The following EIF4H variants were observed in gnomAD, a reference collection of about 807,000 sequenced individuals.
The protein encoded by EIF4H is eukaryotic translation initiation factor 4H.
Under a neutral mutation model 30.6 loss-of-function variants are expected in EIF4H, and 8 were observed. The ratio of observed to expected loss-of-function variants is 0.26; its 90% CI spans 0.15 to 0.47. EIF4H has a LOEUF of 0.47. EIF4H is among the 20% of genes least tolerant of loss of function. The pLI, the probability that EIF4H is intolerant of heterozygous loss-of-function variation, is 0.99. For synonymous variants in EIF4H, 106 were observed against 122.7 expected, an observed-to-expected ratio of 0.86 and a Z score of 0.90; for missense variants, 188 against 339.5, an observed-to-expected ratio of 0.55 and a Z score of 3.51.
At chr7:74,175,530 A>G (rs1243927789) in intron 1 of EIF4H, among the ~76,000 whole-genome samples, 1 of 152,204 alleles carries the variant, frequency 6.6e-6, no homozygotes, top group Non-Finnish European at 1.5e-5. Flanking sequence ...GTTTCGGGGC[A>G]GGAGTGTAGC....
At position 74,194,837 on chromosome 7, in the gene EIF4H, CCCT is replaced by C. The variant is rs1274820067; in HGVS notation, c.569_571del (p.Leu190del). On this transcript the variant is annotated inframe_deletion, in exon 6 of 7. Transcript: ENST00000265753. ...GGCAGCCGCTTCAGAGATGGCCCTC[CCCT>C]CCGTGGATCCAACATGGATTTCAGA... The C allele has an allele frequency of 6.2e-7, 1 of 1,603,268 alleles. No individual in the cohort carries two copies. The highest frequency in any genetic ancestry group is 1.3e-5 in the African/African-American group (1 of 74,756).
At chr7:74,179,252 A>C (rs1163542573) in intron 1 of EIF4H, among the ~76,000 whole-genome samples, 1 of 152,206 alleles carries the variant, frequency 6.6e-6, no homozygotes, top group Non-Finnish European at 1.5e-5. Context: ...CTATACCAAA[A>C]CTCAATAAGC....
chr7:74,195,895 G>T lies in EIF4H; in HGVS notation c.*587G>T, dbSNP rs1801340038. ...ACAACTAGGATAAAAATATCTGCAG[G>T]GTCCTTTCCATTCCTATTTAGAGGG... On this transcript the variant is annotated 3_prime_UTR_variant, in exon 7 of 7. Coordinates refer to ENST00000265753, the MANE Select transcript of EIF4H (RefSeq NM_022170.2). 6.5e-6 allele frequency: 1 copy of T among 154,136 alleles called. No individual in the cohort carries two copies. The allele number at this position is 154,136 out of a possible 1,614,324, so 9.5% of individuals were successfully genotyped here.
At chr7:74,181,601 T>C (rs1554708411) in intron 1 of EIF4H, among the ~76,000 whole-genome samples, 1 of 151,744 alleles carries the variant, frequency 6.6e-6, no homozygotes, top group Non-Finnish European at 1.5e-5. Flanking sequence ...CTGGCAAATT[T>C]TGTATTTTTA....
chr7:74,176,449 A>G (rs1446610863), intron 1 of EIF4H, among the ~76,000 whole-genome samples: 2 of 152,148 alleles, frequency 1.3e-5, no homozygotes, highest in Non-Finnish European at 2.9e-5. Context: ...ACTGCTTTAC[A>G]ATGCTTAAGC....
intron 5 of EIF4H, 140 bp downstream of exon 5, chr7:74,190,446 C>A: frequency 1.3e-6 from 1 of 799,496 alleles, no homozygotes; most frequent in Non-Finnish European, 2.0e-6. Context: ...GGTGCCCAGG[C>A]ATGCAAGTAA....
intron 1 of EIF4H, among the ~76,000 whole-genome samples, chr7:74,186,151 C>CT (rs1473496045): frequency 6.6e-6 from 1 of 151,998 alleles, no homozygotes; most frequent in Non-Finnish European, 1.5e-5. Context: ...CTTCTAACGA[C>CT]TTTAAGTCGT....
chr7:74,190,375 G>C, intron 5 of EIF4H, 69 bp downstream of exon 5: 1 of 1,492,880 alleles, frequency 6.7e-7, no homozygotes, highest in Non-Finnish European at 9.3e-7. Context: ...TGTTTCTTAC[G>C]AGTAGCCCGC....
At chr7:74,180,452 T>C (rs1800934519) in intron 1 of EIF4H, among the ~76,000 whole-genome samples, 1 of 152,198 alleles carries the variant, frequency 6.6e-6, no homozygotes, top group South Asian at 2.1e-4. Context: ...CCAAGGATAT[T>C]CCTAATTGAA....
chr7:74,184,610 A>G (rs1384627861), intron 1 of EIF4H, among the ~76,000 whole-genome samples: 1 of 143,682 alleles, frequency 7.0e-6, no homozygotes, highest in Non-Finnish European at 1.5e-5. Context: ...TTGACCCTCC[A>G]TTTTTATGGT....
At chr7:74,183,118 A>G (rs1801001466) in intron 1 of EIF4H, among the ~76,000 whole-genome samples, 1 of 152,214 alleles carries the variant, frequency 6.6e-6, no homozygotes, top group Non-Finnish European at 1.5e-5. Context: ...GATTTGAGTA[A>G]GGAAAAGTGA....
In EIF4H at chr7:74,194,837, C is replaced by A; in HGVS notation, c.566C>A (p.Pro189His). ...GGCAGCCGCTTCAGAGATGGCCCTCCCCTCCGTGGATCCAACATGGATTTC... is the reference window on the plus strand; with the variant it reads ...GGCAGCCGCTTCAGAGATGGCCCTCACCTCCGTGGATCCAACATGGATTTC... ...PMGSRFRDGP[P>H]LRGSNMDFRE... The change falls in exon 6 of 7, where the codon CCC becomes CAC. Residue 189 changes from proline (P) to histidine (H), a missense_variant. Physicochemically the swap from Pro to His is moderately conservative, Grantham distance 77. Transcript: ENST00000265753. 6.2e-7 allele frequency: 1 copy of A among 1,603,386 alleles called. No homozygotes were observed. Among genetic ancestry groups the A allele is most frequent in the Non-Finnish European group, 8.5e-7 (1 of 1,171,142 alleles).
intron 1 of EIF4H, among the ~76,000 whole-genome samples, chr7:74,177,571 T>A (rs1554707850): frequency 6.6e-6 from 1 of 152,158 alleles, no homozygotes; most frequent in Admixed American, 6.5e-5. Flanking sequence ...ATTTTAAGAT[T>A]TGTATGTAAT....
chr7:74,177,553 CTG>C lies in EIF4H; in HGVS notation c.59+3112_59+3113del, dbSNP rs532188285. ...GCAACCACCATTCTACTTCCTGTCT[CTG>C]AGCATATTTTAAGATTTGTATGTAA... On this transcript the variant is annotated intron_variant, in intron 1 of 6. Transcript: ENST00000265753. Among the ~76,000 whole-genome samples the C allele has an allele frequency of 3.2e-3, 489 of 152,278 alleles. 5 individuals are homozygous for C. Among genetic ancestry groups the C allele is most frequent in the African/African-American group, 9.9e-3 (410 of 41,550 alleles).
intron 1 of EIF4H, among the ~76,000 whole-genome samples, chr7:74,177,435 T>C (rs782611774): frequency 2.0e-5 from 3 of 152,214 alleles, no homozygotes; most frequent in Non-Finnish European, 4.4e-5. Flanking sequence ...CCATCACCAC[T>C]ATCCAGCTCC....
intron 5 of EIF4H, chr7:74,191,195 C>T (rs782187841): frequency 1.9e-6 from 1 of 534,044 alleles, no homozygotes; most frequent in Non-Finnish European, 3.8e-6. Context: ...CTTAAAAGTC[C>T]TGTAGCCAGT....
chr7:74,189,557 C>A, intron 2 of EIF4H, 116 bp from the exon 3 acceptor site: 1 of 1,146,866 alleles, frequency 8.7e-7, no homozygotes, highest in Non-Finnish European at 1.2e-6. Context: ...CCTAGTCTGC[C>A]ATCATCTAGA....
rs782393382 is a variant in EIF4H, at chr7:74,194,850, C to T, written c.579C>T (p.Ser193=). Residue 193 remains serine, a synonymous_variant, in exon 6 of 7, where the codon TCC becomes TCT. Transcript: ENST00000265753. ...GAGATGGCCCTCCCCTCCGTGGATC[C>T]AACATGGATTTCAGAGAACCCACAG... ...RFRDGPPLRG[S]NMDFREPTEE... The T allele has an allele frequency of 6.3e-7, 1 of 1,598,626 alleles. No homozygotes were observed. Among genetic ancestry groups the T allele is most frequent in the Admixed American group, 1.7e-5 (1 of 59,656 alleles).
At chr7:74,182,829 T>A (rs1315124528) in intron 1 of EIF4H, among the ~76,000 whole-genome samples, 2 of 152,200 alleles carry the variant, frequency 1.3e-5, no homozygotes, top group African/African-American at 2.4e-5. Context: ...CTACAGATCT[T>A]TTCTGGCTCA....
Sources: gnomAD v4.1 joint callset for allele counts (sites outside exome capture counted in the v4.1 genomes callset) on GRCh38, gnomAD v4.1.1 for gene constraint, MANE v1.5 for transcripts, NCBI Gene and HGNC (gene_info 2026-07-23, HGNC 2026-07-21) for gene names.